The following UBASH3A variants were observed in gnomAD, a reference collection of about 807,000 sequenced individuals.
The protein encoded by UBASH3A is ubiquitin associated and SH3 domain containing A.
Under a neutral mutation model 73.5 loss-of-function variants are expected in UBASH3A, and 63 were observed. The observed-to-expected ratio is 0.86, with a 90% confidence interval of 0.70 to 1.06. UBASH3A has a LOEUF of 1.06. UBASH3A is among the 50% of genes least tolerant of loss of function. The pLI, the probability that UBASH3A is intolerant of heterozygous loss-of-function variation, is 0.00. For missense variants in UBASH3A, 860 were observed against 859.0 expected (o/e 1.00, Z -0.02); for synonymous variants, 363 against 351.1 (o/e 1.03, Z -0.38).
At chr21:42,426,657 G>A (rs956925409) in intron 7 of UBASH3A, 40 bp from the exon 8 acceptor site, 1 of 1,608,384 alleles carries the variant, frequency 6.2e-7, no homozygotes, top group Admixed American at 1.7e-5. Flanking sequence ...CAACAACATG[G>A]TCTCACTTCT....
At chr21:42,446,073 G>C (rs1247124058) in intron 14 of UBASH3A, among the ~76,000 whole-genome samples, 3 of 152,074 alleles carry the variant, frequency 2.0e-5, no homozygotes, top group Admixed American at 1.3e-4. Context: ...CGTAACCAAG[G>C]GTGGCAGCAC....
rs761543341 is a variant in UBASH3A at position 42,444,597 on chromosome 21, G to A, written c.1802G>A (p.Gly601Glu). 6.8e-6 allele frequency: 11 copies of A among 1,614,072 alleles called. No individual in the cohort carries two copies. Among genetic ancestry groups the A allele is most frequent in the Non-Finnish European group, 9.3e-6 (11 of 1,180,046 alleles). Residue 601 changes from glycine (G) to glutamate (E), a missense_variant, in exon 14 of 15, where the codon GGG becomes GAG. By Grantham distance (98) the Gly-to-Glu change is moderately conservative. Transcript: ENST00000319294. ...GACTCCTGCACGCGGCCACTGCTCG[G>A]GCTGCCGCCCCGGGAATGTGGGGAT... is the stretch of plus-strand genomic sequence containing the variant. ...TLDSCTRPLL[G>E]LPPRECGDFA...
chr21:42,437,119 A>G (rs1199074871), intron 10 of UBASH3A, among the ~76,000 whole-genome samples: 1 of 152,216 alleles, frequency 6.6e-6, no homozygotes, highest in Non-Finnish European at 1.5e-5. Flanking sequence ...ATTCCTTGCC[A>G]TGTGGTCCCC....
chr21:42,419,696 G>C (rs765306207), intron 7 of UBASH3A, among the ~76,000 whole-genome samples: 6 of 152,144 alleles, frequency 3.9e-5, no homozygotes, highest in Admixed American at 3.9e-4. Flanking sequence ...AGTTCAGAAG[G>C]TTTCCAACTT....
At chr21:42,424,982 A>G (rs1057264164) in intron 7 of UBASH3A, among the ~76,000 whole-genome samples, 2 of 152,196 alleles carry the variant, frequency 1.3e-5, no homozygotes, top group Non-Finnish European at 2.9e-5. Context: ...ACCAGCCTCA[A>G]TGGTGGCTTG....
At chr21:42,422,702 T>C (rs1231317765) in intron 7 of UBASH3A, among the ~76,000 whole-genome samples, 3 of 152,216 alleles carry the variant, frequency 2.0e-5, no homozygotes, top group African/African-American at 7.2e-5. Context: ...TATATATTGA[T>C]TTGAAAAAAT....
At chr21:42,440,948 A>T (rs1601603292) in intron 11 of UBASH3A, among the ~76,000 whole-genome samples, 1 of 151,922 alleles carries the variant, frequency 6.6e-6, no homozygotes, top group Non-Finnish European at 1.5e-5. Flanking sequence ...GGATTTTTTT[A>T]CTTCTATTAT....
intron 8 of UBASH3A, among the ~76,000 whole-genome samples, chr21:42,431,086 G>A (rs377369626): frequency 1.3e-5 from 2 of 152,296 alleles, no homozygotes; most frequent in East Asian, 1.9e-4. Flanking sequence ...TCGGCCCCTA[G>A]CACTCTGCTC....
intron 11 of UBASH3A, among the ~76,000 whole-genome samples, chr21:42,439,100 G>A (rs542385468): frequency 6.6e-6 from 1 of 152,098 alleles, no homozygotes; most frequent in Non-Finnish European, 1.5e-5. Flanking sequence ...TCAAATCCAG[G>A]TGCCCAGGAA....
intron 7 of UBASH3A, among the ~76,000 whole-genome samples, chr21:42,420,821 C>T (rs1476686837): frequency 6.6e-6 from 1 of 152,202 alleles, no homozygotes; most frequent in Non-Finnish European, 1.5e-5. Flanking sequence ...TCAGAATAAC[C>T]TTGCTTTTGA....
intron 3 of UBASH3A, chr21:42,410,405 G>C (rs1852341193): frequency 1.5e-5 from 8 of 547,444 alleles, no homozygotes; most frequent in Middle Eastern, 9.5e-4. Context: ...CAGGGCCCAA[G>C]GAACCCTCCA....
Position 42,413,339 on chromosome 21 carries a change from C to A in UBASH3A, c.554-71C>A. The A allele has an allele frequency of 6.5e-7, 1 of 1,542,266 alleles. No homozygotes were observed. The stretch of plus-strand genomic sequence containing the variant: ...GTGGGTGGGTTCCAGGGGAGCAGAG[C>A]CCAGCAGCAATGGTGGGATGGCTGG... On this transcript the variant is annotated intron_variant, in intron 4 of 14. Coordinates refer to ENST00000319294, the MANE Select transcript of UBASH3A (RefSeq NM_018961.4). This position sits in a 1 kb window ranked among gnomAD's most constrained non-coding sequence, Gnocchi z 4.5.
At chr21:42,421,439 T>A (rs1322509414) in intron 7 of UBASH3A, among the ~76,000 whole-genome samples, 2 of 152,236 alleles carry the variant, frequency 1.3e-5, no homozygotes, top group East Asian at 3.8e-4. Flanking sequence ...CATTTTATAT[T>A]TCACTCATTT....
At chr21:42,419,971 C>T (rs1445458702) in intron 7 of UBASH3A, among the ~76,000 whole-genome samples, 2 of 152,200 alleles carry the variant, frequency 1.3e-5, no homozygotes, top group African/African-American at 4.8e-5. Flanking sequence ...GCATTAAATG[C>T]ATTTTCAATT....
Position 42,404,003 on chromosome 21 carries a change from A to T in UBASH3A, c.58A>T (p.Ser20Cys). ...AKVSNKLKSR[S>C]SPSLLEPLLA... ...GGTCTCCAACAAGCTCAAGAGCCGC[A>T]GCAGCCCCTCGCTCCTGGAGCCCCT... The change falls in exon 1 of 15, where the codon AGC becomes TGC. Residue 20 changes from serine to cysteine, a missense_variant. Physicochemically the swap from Ser to Cys is moderately radical, Grantham distance 112 (BLOSUM62 -1). Coordinates refer to ENST00000319294, the MANE Select transcript of UBASH3A (RefSeq NM_018961.4). 1 of 1,529,298 alleles carries T rather than the reference A, an allele frequency of 6.5e-7. No homozygotes were observed. Among genetic ancestry groups the T allele is most frequent in the South Asian group, 1.2e-5 (1 of 81,306 alleles). The allele number at this position is 1,529,298 out of a possible 1,614,324, so 94.7% of individuals were successfully genotyped here. A position where few individuals can be genotyped will look rare whatever the true frequency, so the allele number is the denominator to read the frequency against.
rs1478267813 is a variant in UBASH3A at position 42,416,461 on chromosome 21, C to T, written c.687C>T (p.Cys229=). The T allele has an allele frequency of 6.3e-7, 1 of 1,592,508 alleles. No individual in the cohort carries two copies. Among genetic ancestry groups the T allele is most frequent in the Non-Finnish European group, 8.5e-7 (1 of 1,170,566 alleles). ...ILQKYCSVKP[C]TKQLHLTLAH... is the part of the protein sequence containing the mutation. ...TCACAGACTGCTCCGTGAAGCCTTG[C>T]ACCAAACAGCTGCATCTGACCTTGG... Residue 229 remains cysteine (C), a synonymous_variant, in exon 6 of 15, where the codon TGC becomes TGT. Transcript: ENST00000319294.
chr21:42,409,447 T>C lies in UBASH3A; in HGVS notation c.193T>C (p.Ser65Pro), dbSNP rs761789168. ...AWLHDHCNDP[S>P]LDDPIPQEYA... ...GCTGCATGATCATTGCAATGACCCT[T>C]CCCTAGACGACCCCATCCCCCAGGA... Residue 65 changes from serine to proline, a missense_variant, in exon 3 of 15, where the codon TCC becomes CCC. Ser to Pro is a moderately conservative substitution (Grantham distance 74, BLOSUM62 -1). Transcript: ENST00000319294. 1 of 1,607,586 alleles carries C rather than the reference T, an allele frequency of 6.2e-7. No homozygotes were observed. The highest frequency in any genetic ancestry group is 8.5e-7 in the Non-Finnish European group (1 of 1,177,700).
chr21:42,426,606 A>C, intron 7 of UBASH3A, 91 bp from the exon 8 acceptor site: 2 of 1,475,078 alleles, frequency 1.4e-6, no homozygotes, highest in South Asian at 2.5e-5. Flanking sequence ...TGTCCCGGAC[A>C]TTCTCAAGTA....
intron 11 of UBASH3A, among the ~76,000 whole-genome samples, chr21:42,440,069 G>T (rs1025372825): frequency 6.6e-6 from 1 of 151,532 alleles, no homozygotes; most frequent in Non-Finnish European, 1.5e-5. Context: ...GTTTCACTTG[G>T]GGGCTGAGTC....
Sources: gnomAD v4.1 joint callset for allele counts (sites outside exome capture counted in the v4.1 genomes callset) on GRCh38, gnomAD v4.1.1 for gene constraint, Gnocchi (gnomAD v3.1) non-coding constraint, MANE v1.5 for transcripts, NCBI Gene and HGNC (gene_info 2026-07-23, HGNC 2026-07-21) for gene names.